The following OLA1 variants were observed in gnomAD, a reference collection of about 807,000 sequenced individuals.
OLA1 encodes the protein obg-like ATPase 1.
In OLA1, 14 loss-of-function variants were observed where a neutral mutation model predicts 48.4. The observed-to-expected ratio is 0.29, with a 90% CI of 0.19 to 0.45. The LOEUF is 0.45. OLA1 is among the 20% of genes least tolerant of loss of function. OLA1 has a pLI of 1.00. For synonymous variants in OLA1, 127 were observed against 150.4 expected (o/e 0.84, Z 1.14); for missense variants, 325 against 467.1 (o/e 0.70, Z 2.80).
At chr2:174,179,302 T>G (rs1687481754) in intron 4 of OLA1, among the ~76,000 whole-genome samples, 1 of 151,762 alleles carries the variant, frequency 6.6e-6, no homozygotes, top group Non-Finnish European at 1.5e-5. Flanking sequence ...CACATCAAAG[T>G]TTAAATAAAT....
chr2:174,219,423 CTTTT>C (rs372577919), intron 4 of OLA1, among the ~76,000 whole-genome samples: 1 of 94,926 alleles, frequency 1.1e-5, no homozygotes, highest in Middle Eastern at 0.01. Context: ...TTTTATTTCC[CTTTT>C]TTTTTTTTTT....
chr2:174,082,281 A>G (rs1017123863), intron 7 of OLA1, among the ~76,000 whole-genome samples: 28 of 152,144 alleles, frequency 1.8e-4, no homozygotes, highest in African/African-American at 6.5e-4. Context: ...ACTTTAGCAC[A>G]TTATCTATGG....
At chr2:174,228,924 C>T (rs1395623066) in intron 3 of OLA1, among the ~76,000 whole-genome samples, 1 of 152,186 alleles carries the variant, frequency 6.6e-6, no homozygotes, top group Non-Finnish European at 1.5e-5. Context: ...GTTGCCCAGG[C>T]TGAAGTGCAG....
intron 2 of OLA1, chr2:174,240,208 G>C (rs1688964661): frequency 6.6e-6 from 1 of 152,042 alleles, no homozygotes; most frequent in Admixed American, 6.6e-5. Context: ...TACCCATCAG[G>C]ACAGGAGTTT....
At chr2:174,207,486 C>G (rs1224408223) in intron 4 of OLA1, among the ~76,000 whole-genome samples, 1 of 152,130 alleles carries the variant, frequency 6.6e-6, no homozygotes, top group Non-Finnish European at 1.5e-5. Flanking sequence ...CAAAAATCAC[C>G]TACATCGATT....
At chr2:174,178,944 A>T (rs1687473910) in intron 4 of OLA1, among the ~76,000 whole-genome samples, 1 of 151,964 alleles carries the variant, frequency 6.6e-6, no homozygotes, top group Non-Finnish European at 1.5e-5. Flanking sequence ...GAATGAGTAC[A>T]GCAAGAAAGA....
At chr2:174,241,643 T>C (rs763194740) in intron 2 of OLA1, among the ~76,000 whole-genome samples, 1 of 152,188 alleles carries the variant, frequency 6.6e-6, no homozygotes, top group Non-Finnish European at 1.5e-5. Context: ...CGTTTTTTGT[T>C]TTTTCTTTTT....
At chr2:174,143,346 T>A (rs1213207548) in intron 4 of OLA1, among the ~76,000 whole-genome samples, 1 of 152,166 alleles carries the variant, frequency 6.6e-6, no homozygotes, top group African/African-American at 2.4e-5. Flanking sequence ...TTTGAATCTT[T>A]GAAAATATGA....
chr2:174,154,917 C>T (rs1292721427), intron 4 of OLA1, among the ~76,000 whole-genome samples: 1 of 152,174 alleles, frequency 6.6e-6, no homozygotes, highest in Non-Finnish European at 1.5e-5. Flanking sequence ...TTTCATTTCT[C>T]ATCTTTCATG....
intron 4 of OLA1, among the ~76,000 whole-genome samples, chr2:174,168,210 G>T (rs569696564): frequency 1.3e-5 from 2 of 152,294 alleles, no homozygotes; most frequent in East Asian, 3.9e-4. Flanking sequence ...AATGCAAAGG[G>T]AAGAGAAAGA....
At chr2:174,094,343 ACATGGCAACGTT>A (rs964490621) in intron 7 of OLA1, among the ~76,000 whole-genome samples, 2 of 152,238 alleles carry the variant, frequency 1.3e-5, no homozygotes, top group Non-Finnish European at 2.9e-5. Context: ...CTTAATCTTA[ACATGGCAACGTT>A]CCTCAAACAG....
intron 5 of OLA1, among the ~76,000 whole-genome samples, chr2:174,137,412 A>G (rs1243483220): frequency 6.6e-6 from 1 of 152,228 alleles, no homozygotes; most frequent in East Asian, 1.9e-4. Context: ...GGATTTTCAG[A>G]ATGGTAATAA....
chr2:174,123,030 C>T lies in OLA1; in HGVS notation c.728+150G>A, dbSNP rs991204766. The T allele has an allele frequency of 1.3e-5, 7 of 528,278 alleles. No individual in the cohort carries two copies. In the South Asian group the frequency reaches 1.8e-4, roughly 14 times the overall value. The allele number at this position is 528,278 out of a possible 1,614,324, so 32.7% of individuals were successfully genotyped here. A position where few individuals can be genotyped will look rare whatever the true frequency, so the allele number is the denominator to read the frequency against. On this transcript the variant is annotated intron_variant, in intron 7 of 10. Transcript: ENST00000284719. ...GAAGACTCATCTGTGAAGGTAAATA[C>T]CAAGCACAGCTTTCTCATCCATTTT...
intron 7 of OLA1, among the ~76,000 whole-genome samples, chr2:174,114,172 CAAAAAA>C (rs33971592): frequency 3.8e-5 from 3 of 78,184 alleles, no homozygotes; most frequent in African/African-American, 1.2e-4. Context: ...ACTAAAAATA[CAAAAAA>C]AAAAAAAAAA....
At chr2:174,153,869 A>ATTTTGT (rs1558979661) in intron 4 of OLA1, among the ~76,000 whole-genome samples, 1 of 152,072 alleles carries the variant, frequency 6.6e-6, no homozygotes, top group African/African-American at 2.4e-5. Context: ...AACCAATGTT[A>ATTTTGT]TTTTGTTTTT....
rs974609423 is a variant in OLA1 at position 174,122,482 on chromosome 2, GA to G, written c.728+697del. On this transcript the variant is annotated intron_variant, in intron 7 of 10. Transcript: ENST00000284719. ...CAGATATTTTGCTTTGGATAGTTTT[GA>G]TTTGTTTGTATGACTCAATAGTATA... Among the ~76,000 whole-genome samples the G allele has an allele frequency of 7.9e-4, 121 of 152,248 alleles. 4 individuals carry two copies. The highest frequency in any genetic ancestry group is 3.4e-3 in the Middle Eastern group (1 of 294).
intron 4 of OLA1, among the ~76,000 whole-genome samples, chr2:174,159,921 A>G (rs1377337134): frequency 6.6e-6 from 1 of 152,100 alleles, no homozygotes; most frequent in Non-Finnish European, 1.5e-5. Flanking sequence ...GAAAATTTTG[A>G]AAAGAGATGA....
At chr2:174,123,542 C>T in intron 6 of OLA1, 53 bp downstream of exon 6, 1 of 1,070,732 alleles carries the variant, frequency 9.3e-7, no homozygotes, top group Non-Finnish European at 1.4e-6. Context: ...TAATTTGTTC[C>T]CTAGCAAATG....
rs1198633920 is a variant in OLA1, at chr2:174,232,461, G to C, written c.102-3010C>G. The stretch of plus-strand genomic sequence containing the variant: ...ATAAATGCCAATCCATGTATACATG[G>C]GTGAGTATAATTACATATTTTCTAC... On this transcript the variant is annotated intron_variant, in intron 2 of 10. Transcript: ENST00000284719. Among the ~76,000 whole-genome samples the C allele has an allele frequency of 7.2e-5, 11 of 152,188 alleles. No homozygotes were observed. The East Asian group carries it at 2.1e-3, about 29-fold the overall frequency.
Sources: allele counts gnomAD v4.1 joint callset (sites outside exome capture counted in the v4.1 genomes callset), GRCh38; gene constraint gnomAD v4.1.1; transcripts MANE v1.5; gene names NCBI Gene and HGNC (gene_info 2026-07-23, HGNC 2026-07-21).